Variants in NMNAT3 observed in about 807,000 individuals in gnomAD.
NMNAT3 encodes the protein nicotinamide nucleotide adenylyltransferase 3, also known as nicotinamide/nicotinic acid mononucleotide adenylyltransferase 3.
Under a neutral mutation model 24.8 loss-of-function variants are expected in NMNAT3, and 21 were observed. That is an observed-to-expected ratio of 0.85 (90% confidence interval 0.60 to 1.22). The LOEUF is 1.22. Among genes scored for constraint, NMNAT3 ranks in the 50% most tolerant of loss-of-function variants. The probability of loss-of-function intolerance (pLI) is 0.00; values close to 1 mark genes in which losing one functional copy is unlikely to be tolerated. For synonymous variants in NMNAT3, 136 were observed against 155.2 expected (o/e 0.88, Z 0.92); for missense variants, 387 against 436.6 (o/e 0.89, Z 1.01).
chr3:139,610,549 T>C (rs1299902229), intron 3 of NMNAT3, among the ~76,000 whole-genome samples: 1 of 152,192 alleles, frequency 6.6e-6, no homozygotes, highest in African/African-American at 2.4e-5. Context: ...AAATGAATAG[T>C]TTTTCAGACC....
chr3:139,581,570 T>C (rs1484846017), intron 4 of NMNAT3, among the ~76,000 whole-genome samples: 1 of 152,212 alleles, frequency 6.6e-6, no homozygotes, highest in Non-Finnish European at 1.5e-5. Context: ...TTATTTATTT[T>C]GTGTGAGAAA....
intron 3 of NMNAT3, among the ~76,000 whole-genome samples, chr3:139,599,851 A>G (rs908196990): frequency 1.3e-5 from 2 of 152,160 alleles, no homozygotes; most frequent in Non-Finnish European, 2.9e-5. Context: ...AGTGCCCATC[A>G]ATTTCAAAGG....
At chr3:139,607,701 G>A (rs2055008632) in intron 3 of NMNAT3, among the ~76,000 whole-genome samples, 1 of 152,064 alleles carries the variant, frequency 6.6e-6, no homozygotes, top group South Asian at 2.1e-4. Context: ...AATAGTCAGA[G>A]CTATATAAAG....
At chr3:139,590,829 C>T (rs2054128855) in intron 3 of NMNAT3, among the ~76,000 whole-genome samples, 1 of 152,140 alleles carries the variant, frequency 6.6e-6, no homozygotes, top group Admixed American at 6.5e-5. Flanking sequence ...CGTAAATTCA[C>T]TTTTAATTCT....
intron 3 of NMNAT3, among the ~76,000 whole-genome samples, chr3:139,625,584 C>T (rs2056015620): frequency 6.6e-6 from 1 of 152,232 alleles, no homozygotes; most frequent in Non-Finnish European, 1.5e-5. Flanking sequence ...TTCCCTTTTA[C>T]CCCCTCAGCT....
chr3:139,592,685 ATT>A (rs948122161), intron 3 of NMNAT3, among the ~76,000 whole-genome samples: 2 of 151,940 alleles, frequency 1.3e-5, no homozygotes, highest in African/African-American at 2.4e-5. Context: ...AAAGAAAAGA[ATT>A]TTCAACCCAG....
chr3:139,573,532 C>A (rs1469813513), intron 6 of NMNAT3, 66 bp downstream of exon 6: 4 of 947,860 alleles, frequency 4.2e-6, no homozygotes, highest in Admixed American at 2.6e-5. Context: ...ACCACCCCTA[C>A]CCCCTTCAGT....
intron 1 of NMNAT3, among the ~76,000 whole-genome samples, chr3:139,653,475 G>A (rs1035837303): frequency 3.3e-5 from 5 of 152,132 alleles, no homozygotes; most frequent in Non-Finnish European, 5.9e-5. Flanking sequence ...TATACTCATA[G>A]CTCATTAGTT....
rs377618336 is a variant in NMNAT3 at position 139,604,877 on chromosome 3, G to A, written c.110-21669C>T. 1.8e-4 allele frequency among the ~76,000 whole-genome samples: 28 copies of A among 152,276 alleles called. No homozygotes were observed. In the East Asian group the frequency reaches 4.6e-3, roughly 25 times the overall value. ...AAATCTAAGGGGGGAAAAAAGACAC[G>A]AAAAACCAACAAGTGCAAAGCAGTG... On this transcript the variant is annotated intron_variant, in intron 3 of 6. Coordinates refer to ENST00000643695, the MANE Select transcript of NMNAT3 (RefSeq NM_001320510.2).
At chr3:139,612,549 C>A (rs1224803381) in intron 3 of NMNAT3, among the ~76,000 whole-genome samples, 1 of 152,134 alleles carries the variant, frequency 6.6e-6, no homozygotes, top group Admixed American at 6.5e-5. Flanking sequence ...GGCAGGTAGT[C>A]TAAATGCATG....
intron 3 of NMNAT3, among the ~76,000 whole-genome samples, chr3:139,603,616 G>A (rs76989846): frequency 0.12 from 15,412 of 129,348 alleles, 1,002 homozygotes; most frequent in Non-Finnish European, 0.18. Flanking sequence ...CCATCCTACC[G>A]TGCCCAGCGA....
intron 3 of NMNAT3, among the ~76,000 whole-genome samples, chr3:139,622,124 G>A (rs1018569661): frequency 2.0e-5 from 3 of 152,120 alleles, no homozygotes; most frequent in Non-Finnish European, 2.9e-5. Context: ...GAATCAAATA[G>A]TAGTTATATT....
chr3:139,562,752 A>G (rs923829732), intron 6 of NMNAT3, among the ~76,000 whole-genome samples: 2 of 152,214 alleles, frequency 1.3e-5, no homozygotes, highest in Non-Finnish European at 2.9e-5. Flanking sequence ...GTGCGGCCAG[A>G]GCCAAGACCT....
intron 3 of NMNAT3, among the ~76,000 whole-genome samples, chr3:139,610,947 T>C (rs1009508705): frequency 1.3e-5 from 2 of 152,186 alleles, no homozygotes; most frequent in Non-Finnish European, 2.9e-5. Context: ...TAAATATACT[T>C]CAATTTAAAA....
intron 3 of NMNAT3, among the ~76,000 whole-genome samples, chr3:139,583,797 C>A (rs1030477738): frequency 1.3e-5 from 2 of 152,246 alleles, no homozygotes; most frequent in Non-Finnish European, 2.9e-5. Flanking sequence ...ATGTGCACTG[C>A]GAGTCCTCGA....
At position 139,607,746 on chromosome 3, in the gene NMNAT3, C is replaced by A. The variant is rs539799299; in HGVS notation, c.109+19870G>T. 2.6e-5 allele frequency among the ~76,000 whole-genome samples: 4 copies of A among 152,320 alleles called. No homozygotes were observed. In the South Asian group the frequency reaches 8.3e-4, roughly 32 times the overall value. Reference sequence around the variant, plus strand: ...CAGAGAAGGGTCTCTCTGCCCTCATCCTATCTTCTACCCCTTTGCCATTTC... The same window carrying A: ...CAGAGAAGGGTCTCTCTGCCCTCATACTATCTTCTACCCCTTTGCCATTTC... On this transcript the variant is annotated intron_variant, in intron 3 of 6. Transcript: ENST00000643695.
At position 139,587,266 on chromosome 3, in the gene NMNAT3, G is replaced by A. The variant is rs150969445; in HGVS notation, c.110-4058C>T. Reference sequence around the variant, plus strand: ...GAGGCTGAGAATTAGCAGTCAGCAGGTGCCTGGGCTACTAGCGGGTAGATA... The same window carrying A: ...GAGGCTGAGAATTAGCAGTCAGCAGATGCCTGGGCTACTAGCGGGTAGATA... On this transcript the variant is annotated intron_variant, in intron 3 of 6. Transcript: ENST00000643695. Among the ~76,000 whole-genome samples, 276 of 152,254 alleles carry A rather than the reference G, an allele frequency of 1.8e-3. 1 individual carries two copies. Among genetic ancestry groups the A allele is most frequent in the African/African-American group, 4.4e-3 (183 of 41,544 alleles).
chr3:139,620,657 T>A (rs768927531), intron 3 of NMNAT3, among the ~76,000 whole-genome samples: 5 of 152,322 alleles, frequency 3.3e-5, no homozygotes, highest in Middle Eastern at 3.4e-3. Flanking sequence ...TGCTTTCATT[T>A]CTCTTGTGTA....
intron 3 of NMNAT3, among the ~76,000 whole-genome samples, chr3:139,591,027 C>T (rs867492166): frequency 5.3e-5 from 8 of 152,020 alleles, no homozygotes; most frequent in Non-Finnish European, 8.8e-5. Flanking sequence ...ACACAGAAGA[C>T]GGGTGATTTC....
Sources: allele counts gnomAD v4.1 joint callset (sites outside exome capture counted in the v4.1 genomes callset), GRCh38; gene constraint gnomAD v4.1.1; transcripts MANE v1.5; gene names NCBI Gene and HGNC (gene_info 2026-07-23, HGNC 2026-07-21).